The following KCNJ12 variants were observed in gnomAD, a reference collection of about 807,000 sequenced individuals.
KCNJ12 encodes ATP-sensitive inward rectifier potassium channel 12.
Under a neutral mutation model 22.3 loss-of-function variants are expected in KCNJ12, and 2 were observed. That is an observed-to-expected ratio of 0.09 (90% CI 0.04 to 0.28). KCNJ12 has a LOEUF of 0.28. Among genes scored for constraint, KCNJ12 ranks in the 10% least tolerant of loss-of-function variants. The pLI is 1.00. For synonymous variants in KCNJ12, 117 were observed against 261.4 expected (o/e 0.45, Z 5.33); for missense variants, 155 against 633.3 (o/e 0.24, Z 8.11).
At chr17:21,401,033 TTGA>T (rs1441150872) in intron 1 of KCNJ12, among the ~76,000 whole-genome samples, 4 of 152,400 alleles carry the variant, frequency 2.6e-5, no homozygotes, top group Non-Finnish European at 4.4e-5. Context: ...GGCGGGGAAG[TTGA>T]TGATTTTTCC....
chr17:21,387,630 G>T lies in KCNJ12; in HGVS notation c.-179+10717G>T, dbSNP rs199788801. 6.4e-4 allele frequency among the ~76,000 whole-genome samples: 98 copies of T among 152,122 alleles called. 1 individual carries two copies. In the East Asian group the frequency reaches 0.018, roughly 28 times the overall value. ...AGCTATGAATGGTCCTTCCCCTGTCGGAGGGTGTGGGAGATGACACCTTTT... is the reference window on the plus strand; with the variant it reads ...AGCTATGAATGGTCCTTCCCCTGTCTGAGGGTGTGGGAGATGACACCTTTT... On this transcript the variant is annotated intron_variant, in intron 1 of 2. Coordinates refer to ENST00000583088, the MANE Select transcript of KCNJ12 (RefSeq NM_021012.5).
At chr17:21,407,029 G>A (rs1905985825) in intron 1 of KCNJ12, among the ~76,000 whole-genome samples, 1 of 152,290 alleles carries the variant, frequency 6.6e-6, no homozygotes, top group Non-Finnish European at 1.5e-5. Context: ...TGTACCCAAG[G>A]CAAATCTCTG....
intron 1 of KCNJ12, among the ~76,000 whole-genome samples, chr17:21,398,821 C>G (rs1555560177): frequency 1.3e-5 from 2 of 152,250 alleles, no homozygotes; most frequent in African/African-American, 4.8e-5. Flanking sequence ...TGAGAGCAGG[C>G]ATGTGCTAGC....
At chr17:21,382,760 G>C (rs1467358174) in intron 1 of KCNJ12, among the ~76,000 whole-genome samples, 2 of 152,168 alleles carry the variant, frequency 1.3e-5, no homozygotes, top group Admixed American at 1.3e-4. Context: ...GGTTGGCCAG[G>C]TGTGCAGCCA....
At position 21,419,295 on chromosome 17, in the gene KCNJ12, CGT is replaced by C. The variant is rs3078445; in HGVS notation, c.*2684_*2685del. On this transcript the variant is annotated 3_prime_UTR_variant, in exon 3 of 3. Coordinates refer to ENST00000583088, the MANE Select transcript of KCNJ12 (RefSeq NM_021012.5). ...TAGTAATACAGATACGTGATCTATACGTGTGTGTGTGTGTGTGTGTGTGTGTG... is the reference window on the plus strand; with the variant it reads ...TAGTAATACAGATACGTGATCTATACGTGTGTGTGTGTGTGTGTGTGTGTG... 18,944 of 154,026 alleles carry C rather than the reference CGT, an allele frequency of 0.12. 1,309 individuals are homozygous for C. Among genetic ancestry groups the C allele is most frequent in the African/African-American group, 0.24 (9,488 of 39,192 alleles). 9.5% of individuals were successfully genotyped at this position (154,026 alleles called of 1,614,324 possible).
chr17:21,412,451 G>C (rs1478696666), intron 2 of KCNJ12, among the ~76,000 whole-genome samples: 4 of 152,306 alleles, frequency 2.6e-5, no homozygotes, highest in Admixed American at 6.5e-5. Flanking sequence ...GAGCTGCTCG[G>C]AGCAGGGGCT....
intron 1 of KCNJ12, among the ~76,000 whole-genome samples, chr17:21,404,506 C>T (rs1905817229): frequency 1.3e-5 from 2 of 152,268 alleles, no homozygotes; most frequent in Admixed American, 6.5e-5. Context: ...TTCAAGTCCT[C>T]GGTGCCCAGT....
intron 1 of KCNJ12, among the ~76,000 whole-genome samples, chr17:21,378,570 C>T (rs955730675): frequency 1.3e-5 from 2 of 152,108 alleles, no homozygotes; most frequent in Non-Finnish European, 2.9e-5. Flanking sequence ...ACCCTGGAGA[C>T]GAGGAGGGTG....
At chr17:21,402,305 C>T (rs1243966388) in intron 1 of KCNJ12, among the ~76,000 whole-genome samples, 7 of 152,298 alleles carry the variant, frequency 4.6e-5, no homozygotes, top group South Asian at 2.1e-4. Context: ...GAATAGTCTC[C>T]ACCCGTCTCT....
At chr17:21,403,554 A>G (rs1432986619) in intron 1 of KCNJ12, among the ~76,000 whole-genome samples, 2 of 152,344 alleles carry the variant, frequency 1.3e-5, no homozygotes, top group Admixed American at 6.5e-5. Context: ...TTACAGCTGT[A>G]TGAAAATCAG....
At chr17:21,402,309 C>G (rs1204681012) in intron 1 of KCNJ12, among the ~76,000 whole-genome samples, 1 of 152,296 alleles carries the variant, frequency 6.6e-6, no homozygotes, top group African/African-American at 2.4e-5. Flanking sequence ...AGTCTCCACC[C>G]GTCTCTGGAT....
At chr17:21,381,063 T>C (rs1904848480) in intron 1 of KCNJ12, among the ~76,000 whole-genome samples, 1 of 152,214 alleles carries the variant, frequency 6.6e-6, no homozygotes, top group African/African-American at 2.4e-5. Context: ...CTTGGCCAGA[T>C]AGGAGTGGGA....
At chr17:21,413,691 G>A (rs1397489587) in intron 2 of KCNJ12, among the ~76,000 whole-genome samples, 5 of 152,306 alleles carry the variant, frequency 3.3e-5, no homozygotes, top group Admixed American at 6.5e-5. Flanking sequence ...ACAGGCCAGT[G>A]TGGGGCCTTT....
chr17:21,411,775 A>G (rs1906362486), intron 2 of KCNJ12, among the ~76,000 whole-genome samples: 1 of 152,310 alleles, frequency 6.6e-6, no homozygotes, highest in African/African-American at 2.4e-5. Flanking sequence ...AGAGCCAAAA[A>G]GGCCTGTGTG....
chr17:21,382,578 G>A (rs1381018228), intron 1 of KCNJ12, among the ~76,000 whole-genome samples: 2 of 152,208 alleles, frequency 1.3e-5, no homozygotes, highest in Non-Finnish European at 1.5e-5. Flanking sequence ...GGCTTTAGTG[G>A]CCAGCAGTGA....
chr17:21,404,654 A>G (rs1905825370), intron 1 of KCNJ12, among the ~76,000 whole-genome samples: 1 of 152,250 alleles, frequency 6.6e-6, no homozygotes, highest in South Asian at 2.1e-4. Context: ...AACGGAGCCC[A>G]GGGATGGGGC....
At chr17:21,387,335 G>T (rs1384257171) in intron 1 of KCNJ12, among the ~76,000 whole-genome samples, 2 of 133,624 alleles carry the variant, frequency 1.5e-5, no homozygotes, top group African/African-American at 2.8e-5. Context: ...CCAGCTACTC[G>T]GGAGGCTGAG....
chr17:21,387,504 C>CGAG (rs1567697525), intron 1 of KCNJ12, among the ~76,000 whole-genome samples: 1 of 149,364 alleles, frequency 6.7e-6, no homozygotes, highest in Non-Finnish European at 1.5e-5. Flanking sequence ...TTGGAGACAT[C>CGAG]GAGCGCTGGG....
At chr17:21,394,305 G>C (rs1905279906) in intron 1 of KCNJ12, among the ~76,000 whole-genome samples, 1 of 152,200 alleles carries the variant, frequency 6.6e-6, no homozygotes, top group Admixed American at 6.5e-5. Flanking sequence ...TGTTTCAGCT[G>C]CCTACAGTGT....
Sources: gnomAD v4.1 joint callset for allele counts (sites outside exome capture counted in the v4.1 genomes callset) on GRCh38, gnomAD v4.1.1 for gene constraint, MANE v1.5 for transcripts, NCBI Gene and HGNC (gene_info 2026-07-23, HGNC 2026-07-21) for gene names.